The following FAM184A variants were observed in gnomAD, a reference collection of about 807,000 sequenced individuals.
FAM184A encodes protein FAM184A.
In FAM184A, 99 loss-of-function variants were observed where a neutral mutation model predicts 143.8. The observed-to-expected ratio is 0.69, with a 90% confidence interval of 0.58 to 0.81. FAM184A has a LOEUF of 0.81. Ranked by LOEUF, FAM184A falls within the 40% of genes least tolerant of loss-of-function variation. The pLI, the probability that FAM184A is intolerant of heterozygous loss-of-function variation, is 0.00. For synonymous variants in FAM184A, 427 were observed against 446.4 expected, an observed-to-expected ratio of 0.96 and a Z score of 0.55; for missense variants, 1,217 against 1,310.5, an observed-to-expected ratio of 0.93 and a Z score of 1.10.
chr6:119,096,365 G>A lies in FAM184A; in HGVS notation c.-202+52713C>T, dbSNP rs1304483304. 2.9e-5 allele frequency among the ~76,000 whole-genome samples: 3 copies of A among 103,048 alleles called. 1 individual carries two copies. Among genetic ancestry groups the A allele is most frequent in the Non-Finnish European group, 4.2e-5 (2 of 48,108 alleles). 67.6% of individuals were successfully genotyped at this position (103,048 alleles called of 152,430 possible). On this transcript the variant is annotated intron_variant, in intron 1 of 16. Coordinates refer to the FAM184A transcript ENST00000352896. ...GAAAGAAAGAAAAGGGGCCGGGCGCGGTGGCTCACGCCTGTAATCCCAGCA... is the reference window on the plus strand; with the variant it reads ...GAAAGAAAGAAAAGGGGCCGGGCGCAGTGGCTCACGCCTGTAATCCCAGCA...
At chr6:119,031,480 A>C (rs2114707142) in intron 1 of FAM184A, 1 of 152,374 alleles carries the variant, frequency 6.6e-6, no homozygotes, top group East Asian at 1.9e-4. Context: ...ATTGGCTGCT[A>C]CCTTGATCTT....
At chr6:119,009,384 G>T (rs1244836736) in intron 6 of FAM184A, among the ~76,000 whole-genome samples, 1 of 152,138 alleles carries the variant, frequency 6.6e-6, no homozygotes, top group Non-Finnish European at 1.5e-5. Context: ...TTGTGATAGT[G>T]AATGAGTCTC....
At position 119,024,820 on chromosome 6, in the gene FAM184A, G is replaced by T; in HGVS notation, c.160-7C>A. 6.4e-7 allele frequency: 1 copy of T among 1,570,170 alleles called. No individual in the cohort carries two copies. The highest frequency in any genetic ancestry group is 1.2e-5 in the South Asian group (1 of 83,338). On this transcript the variant is annotated splice_region_variant and splice_polypyrimidine_tract_variant and intron_variant, in intron 1 of 17. Transcript: ENST00000338891. ...TGTTTAAAGCATATATTACCTGCAT[G>T]GTTTTGAATAAGAAGGGAGAAGGAT...
intron 1 of FAM184A, among the ~76,000 whole-genome samples, chr6:119,088,308 G>A (rs986292401): frequency 1.3e-5 from 2 of 152,158 alleles, no homozygotes; most frequent in Admixed American, 6.5e-5. Context: ...TGCTACTTAT[G>A]GGAAGTGCAT....
intron 1 of FAM184A, among the ~76,000 whole-genome samples, chr6:119,054,415 C>T (rs1786883213): frequency 6.6e-6 from 1 of 152,174 alleles, no homozygotes; most frequent in Non-Finnish European, 1.5e-5. Context: ...GGGCCTGTTC[C>T]GTAGTGATGG....
chr6:119,011,137 G>T, intron 6 of FAM184A, 172 bp downstream of exon 6: 1 of 543,258 alleles, frequency 1.8e-6, no homozygotes, highest in East Asian at 3.6e-5. Context: ...ATTTTACCTG[G>T]TGGAACATAA....
chr6:119,130,097 A>G (rs551004003), intron 1 of FAM184A, among the ~76,000 whole-genome samples: 3 of 152,242 alleles, frequency 2.0e-5, no homozygotes, highest in South Asian at 4.1e-4. Flanking sequence ...TATTTGGAGT[A>G]TGAGTCATAT....
At chr6:119,143,127 T>C (rs1041525264) in intron 1 of FAM184A, among the ~76,000 whole-genome samples, 2 of 152,188 alleles carry the variant, frequency 1.3e-5, no homozygotes, top group African/African-American at 4.8e-5. Context: ...AATACGTTTG[T>C]GTTGTTTTAA....
At chr6:119,039,921 G>A (rs891580366) in intron 1 of FAM184A, among the ~76,000 whole-genome samples, 1 of 152,190 alleles carries the variant, frequency 6.6e-6, no homozygotes, top group African/African-American at 2.4e-5. Flanking sequence ...GAAAAAGGAA[G>A]AAAGCCTCAG....
chr6:119,069,723 T>G (rs188813260), intron 1 of FAM184A, among the ~76,000 whole-genome samples: 1 of 152,250 alleles, frequency 6.6e-6, no homozygotes, highest in East Asian at 1.9e-4. Context: ...GATGAAGAAC[T>G]CCAGTGTGAT....
intron 1 of FAM184A, among the ~76,000 whole-genome samples, chr6:119,034,041 T>C (rs13214307): frequency 1.1e-3 from 47 of 42,006 alleles, no homozygotes; most frequent in African/African-American, 4.9e-3. Flanking sequence ...TATATATATA[T>C]AGAGAGAGAG....
intron 9 of FAM184A, among the ~76,000 whole-genome samples, chr6:118,983,551 C>T (rs1369966474): frequency 6.6e-6 from 1 of 151,770 alleles, no homozygotes; most frequent in African/African-American, 2.4e-5. Flanking sequence ...TCTATACATT[C>T]GTTAAAATTT....
intron 1 of FAM184A, among the ~76,000 whole-genome samples, chr6:119,040,177 C>G (rs1055314185): frequency 2.0e-5 from 3 of 152,050 alleles, no homozygotes; most frequent in Non-Finnish European, 2.9e-5. Flanking sequence ...GTCTGTTTTT[C>G]TGCTTTATGC....
chr6:118,975,290 C>T (rs1195894832), intron 12 of FAM184A, 82 bp from the exon 13 acceptor site: 55 of 985,360 alleles, frequency 5.6e-5, no homozygotes, highest in Non-Finnish European at 7.1e-5. Context: ...AAATGACACA[C>T]TGGAATGTCA....
At chr6:119,074,589 T>G (rs1200755578) in intron 1 of FAM184A, among the ~76,000 whole-genome samples, 1 of 151,738 alleles carries the variant, frequency 6.6e-6, no homozygotes, top group African/African-American at 2.4e-5. Flanking sequence ...GGAAAAAAAG[T>G]AATTTGAAAG....
At chr6:119,047,434 G>A (rs973121340) in intron 1 of FAM184A, among the ~76,000 whole-genome samples, 4 of 152,190 alleles carry the variant, frequency 2.6e-5, no homozygotes, top group African/African-American at 9.7e-5. Flanking sequence ...ATACCCTTAT[G>A]TTTGTTGCAG....
At chr6:118,994,553 G>A (rs1237953463) in intron 9 of FAM184A, among the ~76,000 whole-genome samples, 1 of 151,928 alleles carries the variant, frequency 6.6e-6, no homozygotes, top group Non-Finnish European at 1.5e-5. Flanking sequence ...GGGCATGGTT[G>A]CGCGCACCTG....
intron 1 of FAM184A, among the ~76,000 whole-genome samples, chr6:119,118,712 G>A (rs1049678099): frequency 3.3e-5 from 5 of 152,090 alleles, no homozygotes; most frequent in Non-Finnish European, 7.3e-5. Context: ...CGTAAGCTGA[G>A]GAGGATGTAT....
At chr6:119,095,266 G>C (rs1244727022) in intron 1 of FAM184A, among the ~76,000 whole-genome samples, 1 of 152,166 alleles carries the variant, frequency 6.6e-6, no homozygotes, top group African/African-American at 2.4e-5. Flanking sequence ...TCTCCTCAAA[G>C]GCACTGAGAG....
Sources: gnomAD v4.1 joint callset for allele counts (sites outside exome capture counted in the v4.1 genomes callset) on GRCh38, gnomAD v4.1.1 for gene constraint, MANE v1.5 for transcripts, NCBI Gene and HGNC (gene_info 2026-07-23, HGNC 2026-07-21) for gene names.